The following PTPRA variants were observed in gnomAD, a reference collection of about 807,000 sequenced individuals.
The protein encoded by PTPRA is receptor-type tyrosine-protein phosphatase alpha.
A neutral mutation model predicts 104.8 loss-of-function variants in PTPRA; 25 were observed. The observed-to-expected ratio is 0.24, with a 90% CI of 0.17 to 0.33. PTPRA has a LOEUF of 0.33. Among genes scored for constraint, PTPRA ranks in the 10% least tolerant of loss-of-function variants. The pLI is 1.00. For synonymous variants in PTPRA, 323 were observed against 368.9 expected, an observed-to-expected ratio of 0.88 and a Z score of 1.43; for missense variants, 765 against 1,015.3, an observed-to-expected ratio of 0.75 and a Z score of 3.35.
intron 2 of PTPRA, among the ~76,000 whole-genome samples, chr20:2,938,536 C>G (rs1019644486): frequency 6.6e-6 from 1 of 151,816 alleles, no homozygotes; most frequent in Non-Finnish European, 1.5e-5. Flanking sequence ...TCTCTCCATT[C>G]ATTCTCTTAC....
chr20:3,007,490 G>T (rs772786946), intron 11 of PTPRA, 70 bp downstream of exon 11: 50 of 1,472,548 alleles, frequency 3.4e-5, no homozygotes, highest in Non-Finnish European at 4.7e-5. Context: ...CTCCTCCCCA[G>T]CTGTGTGTTA....
At chr20:3,007,283 C>A (rs966576955) in intron 10 of PTPRA, 61 bp from the exon 11 acceptor site, 3 of 1,499,068 alleles carry the variant, frequency 2.0e-6, no homozygotes, top group Admixed American at 3.4e-5. Context: ...GTCCTGGTTG[C>A]GTCAGGTTCT....
chr20:2,935,437 G>T (rs903911509), intron 2 of PTPRA, among the ~76,000 whole-genome samples: 3 of 152,074 alleles, frequency 2.0e-5, no homozygotes, highest in Non-Finnish European at 2.9e-5. Context: ...CTTAGCTATT[G>T]TGAATAATGC....
At chr20:2,919,165 C>T (rs2060013594) in intron 1 of PTPRA, among the ~76,000 whole-genome samples, 1 of 152,032 alleles carries the variant, frequency 6.6e-6, no homozygotes, top group Admixed American at 6.6e-5. Context: ...AATTTCCAAG[C>T]AGAAAAAGTA....
Position 3,022,855 on chromosome 20 carries a change from G to A in PTPRA, c.1464+31G>A. 6.8e-6 allele frequency: 11 copies of A among 1,613,816 alleles called. No individual in the cohort carries two copies. Among genetic ancestry groups the A allele is most frequent in the Non-Finnish European group, 7.6e-6 (9 of 1,179,856 alleles). On this transcript the variant is annotated intron_variant, in intron 16 of 23. Coordinates refer to ENST00000399903, the MANE Select transcript of PTPRA (RefSeq NM_001385305.1). The surrounding 1 kb of genome is among the most constrained non-coding windows in gnomAD (Gnocchi z 4.6). Reference sequence around the variant, plus strand: ...TGATCTGTGGGTCAGGTGAGGGTGGGGGGTTCCAGGACTAAAACATCTGCC... The same window carrying A: ...TGATCTGTGGGTCAGGTGAGGGTGGAGGGTTCCAGGACTAAAACATCTGCC...
At position 3,005,070 on chromosome 20, in the gene PTPRA, T is replaced by C; in HGVS notation, c.753T>C (p.Cys251=). 6.2e-7 allele frequency: 1 copy of C among 1,607,934 alleles called. No individual in the cohort carries two copies. The highest frequency in any genetic ancestry group is 8.5e-7 in the Non-Finnish European group (1 of 1,174,412). The change falls in exon 10 of 24, where the codon TGT becomes TGC. Residue 251 remains cysteine (C), a synonymous_variant. Transcript: ENST00000399903. The part of the protein sequence containing the change: ...FREEFNALPA[C]PIQATCEAAS... ...TAACCTTTCAGGCTCTCCCTGCATG[T>C]CCTATCCAGGCCACCTGTGAGGCTG...
chr20:2,999,944 A>G (rs1322309405), intron 9 of PTPRA, among the ~76,000 whole-genome samples: 1 of 152,186 alleles, frequency 6.6e-6, no homozygotes, highest in African/African-American at 2.4e-5. Context: ...CAGGTAACTG[A>G]TAAAGGAAGA....
At chr20:3,034,297 G>A (rs1334904039) in intron 20 of PTPRA, among the ~76,000 whole-genome samples, 2 of 152,092 alleles carry the variant, frequency 1.3e-5, no homozygotes, top group Non-Finnish European at 2.9e-5. Flanking sequence ...GAGACTCTTA[G>A]TGTTGATACC....
At chr20:2,865,629 G>C in the PTPRA span, 1 of 818,328 alleles carries the variant, frequency 1.2e-6, no homozygotes, top group Non-Finnish European at 1.9e-6. The surrounding 1 kb of genome is among the most constrained non-coding windows in gnomAD (Gnocchi z 5.2). Context: ...AGTGCTTCCT[G>C]TATACACATT....
In PTPRA at chr20:2,948,042, T is replaced by G. The variant is rs1238814302; in HGVS notation, c.-7+18T>G. Reference sequence around the variant, plus strand: ...AGAAGCTAGTAAGTACTGAAATAGTTTTTTAAGTTTTTTCTACAAGAATAG... The same window carrying G: ...AGAAGCTAGTAAGTACTGAAATAGTGTTTTAAGTTTTTTCTACAAGAATAG... On this transcript the variant is annotated intron_variant, in intron 3 of 23. Coordinates refer to ENST00000399903, the MANE Select transcript of PTPRA (RefSeq NM_001385305.1). 1.9e-6 allele frequency: 2 copies of G among 1,044,062 alleles called. No homozygotes were observed. The highest frequency in any genetic ancestry group is 3.3e-5 in the African/African-American group (2 of 59,898). The allele number at this position is 1,044,062 out of a possible 1,614,324, so 64.7% of individuals were successfully genotyped here.
intron 9 of PTPRA, among the ~76,000 whole-genome samples, chr20:2,991,536 C>A (rs1205616187): frequency 6.6e-6 from 1 of 152,070 alleles, no homozygotes; most frequent in East Asian, 1.9e-4. Context: ...CAAATTAGTT[C>A]TTTTCTTTTT....
chr20:2,962,704 A>G (rs1215794564), intron 3 of PTPRA, among the ~76,000 whole-genome samples: 1 of 152,214 alleles, frequency 6.6e-6, no homozygotes, highest in Non-Finnish European at 1.5e-5. Flanking sequence ...ATCTAACAGT[A>G]TATCACTGGT....
Position 2,947,999 on chromosome 20 carries a change from C to A in PTPRA, c.-32C>A. ...TTTTCTAGGACACATGTTCAAAGAG[C>A]ATAATTAACTTTTTAAAAGAAGCTA... On this transcript the variant is annotated 5_prime_UTR_variant, in exon 3 of 24. Coordinates refer to ENST00000399903, the MANE Select transcript of PTPRA (RefSeq NM_001385305.1). 9.2e-7 allele frequency: 1 copy of A among 1,092,496 alleles called. No homozygotes were observed. Among genetic ancestry groups the A allele is most frequent in the Non-Finnish European group, 1.2e-6 (1 of 813,228 alleles). The allele number at this position is 1,092,496 out of a possible 1,614,324, so 67.7% of individuals were successfully genotyped here.
intron 3 of PTPRA, among the ~76,000 whole-genome samples, chr20:2,952,972 CTTCCTCCTTTTGGCTAT>C (rs2061402420): frequency 6.6e-6 from 1 of 152,102 alleles, no homozygotes; most frequent in Admixed American, 6.6e-5. Flanking sequence ...ATTTAAGTTG[CTTCCTCCTTTTGGCTAT>C]TGTGAATAAT....
At chr20:2,955,773 C>A in intron 3 of PTPRA, 1 of 730,298 alleles carries the variant, frequency 1.4e-6, no homozygotes, top group Non-Finnish European at 1.7e-6. Context: ...TGCTGCCTGG[C>A]TAGCTCATTG....
At chr20:2,960,249 ATTT>A (rs556503635) in intron 3 of PTPRA, among the ~76,000 whole-genome samples, 4 of 134,302 alleles carry the variant, frequency 3.0e-5, no homozygotes, top group Non-Finnish European at 1.6e-5. Context: ...ACAACCACTG[ATTT>A]TTTTTTTTTT....
chr20:2,965,437 G>A (rs1450820772), intron 5 of PTPRA, among the ~76,000 whole-genome samples: 2 of 152,170 alleles, frequency 1.3e-5, no homozygotes, highest in African/African-American at 4.8e-5. Context: ...GGACTTAAAT[G>A]TGTTTAAAGG....
chr20:2,987,894 C>A, intron 7 of PTPRA, 138 bp from the exon 8 acceptor site: 1 of 827,150 alleles, frequency 1.2e-6, no homozygotes, highest in Non-Finnish European at 2.1e-6. Flanking sequence ...TCAGGGTGTG[C>A]ATGACCTGTC....
chr20:2,864,684 G>GTGGGGCGTT, the PTPRA span: 1 of 1,606,502 alleles, frequency 6.2e-7, no homozygotes, highest in Non-Finnish European at 8.5e-7. The surrounding 1 kb of genome is among the most constrained non-coding windows in gnomAD (Gnocchi z 5.2). Context: ...TGTGGGGCGT[G>GTGGGGCGTT]TGGGGCATGT....
Sources: gnomAD v4.1 joint callset for allele counts (sites outside exome capture counted in the v4.1 genomes callset) on GRCh38, gnomAD v4.1.1 for gene constraint, Gnocchi (gnomAD v3.1) non-coding constraint, MANE v1.5 for transcripts, NCBI Gene and HGNC (gene_info 2026-07-23, HGNC 2026-07-21) for gene names.